The following DSCAML1 variants were observed in gnomAD, a reference collection of about 807,000 sequenced individuals.
The protein encoded by DSCAML1 is cell adhesion molecule DSCAML1.
DSCAML1 carries 38 observed loss-of-function variants against 200.5 expected under a neutral mutation model. The ratio of observed to expected loss-of-function variants is 0.19; its 90% CI spans 0.15 to 0.25. The LOEUF (loss-of-function observed/expected upper bound fraction) is 0.25, where lower values mean the gene tolerates loss of function less well. DSCAML1 is among the 10% of genes least tolerant of loss of function. DSCAML1 has a pLI of 1.00. For synonymous variants in DSCAML1, 1,215 were observed against 1,165.0 expected (o/e 1.04, Z -0.87); for missense variants, 2,223 against 2,858.8 (o/e 0.78, Z 5.07).
intron 6 of DSCAML1, among the ~76,000 whole-genome samples, chr11:117,520,199 T>G (rs1565760933): frequency 6.6e-6 from 1 of 152,188 alleles, no homozygotes; most frequent in Non-Finnish European, 1.5e-5. Context: ...GGTTGGCAAA[T>G]GAGGTGCAGG....
rs375158198 is a variant in DSCAML1, at chr11:117,754,839, CCCTACCTG to C, written c.511+21944_511+21951del. 3.5e-3 allele frequency among the ~76,000 whole-genome samples: 534 copies of C among 152,256 alleles called. 2 individuals carry two copies. The highest frequency in any genetic ancestry group is 5.0e-3 in the Non-Finnish European group (342 of 68,018). ...CTCACCTACTTACGGGTGCCTCCCT[CCCTACCTG>C]CCTACCTGCCTTCTGTGTGACCCAC... On this transcript the variant is annotated intron_variant, in intron 3 of 32. Coordinates refer to ENST00000651296, the MANE Select transcript of DSCAML1 (RefSeq NM_020693.4).
At chr11:117,688,868 G>T (rs1160646206) in intron 3 of DSCAML1, among the ~76,000 whole-genome samples, 1 of 152,178 alleles carries the variant, frequency 6.6e-6, no homozygotes, top group Non-Finnish European at 1.5e-5. Flanking sequence ...CCTAACCAGG[G>T]CACGGATTGG....
intron 3 of DSCAML1, among the ~76,000 whole-genome samples, chr11:117,676,913 G>A (rs892082574): frequency 1.7e-4 from 26 of 152,342 alleles, no homozygotes; most frequent in Admixed American, 4.6e-4. Context: ...GCCGAGCCAC[G>A]AGAAGGCTAA....
intron 3 of DSCAML1, among the ~76,000 whole-genome samples, chr11:117,581,938 T>G (rs564571214): frequency 6.6e-6 from 1 of 152,258 alleles, no homozygotes; most frequent in East Asian, 1.9e-4. Flanking sequence ...CAAAATTCAC[T>G]TCTGCCTATA....
chr11:117,692,272 CCTT>C (rs1268107317), intron 3 of DSCAML1, among the ~76,000 whole-genome samples: 1 of 152,066 alleles, frequency 6.6e-6, no homozygotes, highest in Non-Finnish European at 1.5e-5. Context: ...CCTTTTGTCT[CCTT>C]CTTGCTTACT....
Position 117,504,987 on chromosome 11 carries a change from C to G in DSCAML1, c.2119G>C (p.Gly707Arg). The G allele has an allele frequency of 6.2e-7, 1 of 1,612,820 alleles. No homozygotes were observed. The highest frequency in any genetic ancestry group is 8.5e-7 in the Non-Finnish European group (1 of 1,179,302). Residue 707 changes from glycine (G) to arginine (R), a missense_variant, in exon 10 of 33, where the codon GGT becomes CGT. Coordinates refer to ENST00000651296, the MANE Select transcript of DSCAML1 (RefSeq NM_020693.4). The surrounding 1 kb of genome is among the most constrained non-coding windows in gnomAD (Gnocchi z 5.0). ...NNQDGIYGKAGVLNCSVDGYP... is the reference protein window; with the variant it reads ...NNQDGIYGKARVLNCSVDGYP... Reference sequence around the variant, plus strand: ...CCGTCCACCGAGCAGTTGAGCACACCAGCTTTGCCGTAGATGCCATCCTGG... The same window carrying G: ...CCGTCCACCGAGCAGTTGAGCACACGAGCTTTGCCGTAGATGCCATCCTGG...
intron 3 of DSCAML1, among the ~76,000 whole-genome samples, chr11:117,767,892 T>C (rs1421090563): frequency 6.6e-6 from 1 of 152,120 alleles, no homozygotes; most frequent in African/African-American, 2.4e-5. Context: ...CATGATTAAA[T>C]GAGATGACAT....
intron 3 of DSCAML1, among the ~76,000 whole-genome samples, chr11:117,718,879 C>A (rs2054001019): frequency 6.6e-6 from 1 of 152,136 alleles, no homozygotes; most frequent in Admixed American, 6.5e-5. Context: ...TGCAAAGGAC[C>A]AGGCAGCAAA....
In DSCAML1 at chr11:117,439,392, G is replaced by A. The variant is rs1276403781; in HGVS notation, c.4018C>T (p.Arg1340Trp). ...SAIPVSMDGH[R>W]LIHTNGTLLL... is the part of the protein sequence containing the mutation. ...AGTGTGCCATTGGTGTGGATGAGCC[G>A]GTGCCCATCCATGGACACTGGAATG... Residue 1340 changes from arginine to tryptophan, a missense_variant, in exon 23 of 33, where the codon CGG becomes TGG. Around this residue, in one of 7 missense-constraint regions of DSCAML1, gnomAD observed 614 missense variants for 739.1 expected, o/e 0.83. Coordinates refer to ENST00000651296, the MANE Select transcript of DSCAML1 (RefSeq NM_020693.4). 32 of 1,613,520 alleles carry A rather than the reference G, an allele frequency of 2.0e-5. No individual in the cohort carries two copies. The highest frequency in any genetic ancestry group is 3.3e-5 in the Admixed American group (2 of 59,988).
At chr11:117,529,825 G>A (rs2050041359) in intron 4 of DSCAML1, among the ~76,000 whole-genome samples, 1 of 152,002 alleles carries the variant, frequency 6.6e-6, no homozygotes, top group Admixed American at 6.6e-5. Flanking sequence ...CAATGGGGAG[G>A]GGCGGGTGAG....
intron 3 of DSCAML1, among the ~76,000 whole-genome samples, chr11:117,559,888 G>C (rs1366448117): frequency 6.6e-6 from 1 of 152,148 alleles, no homozygotes; most frequent in Non-Finnish European, 1.5e-5. Flanking sequence ...GTGGGATACA[G>C]GAAGGAAGGG....
chr11:117,623,400 G>A (rs965167420), intron 3 of DSCAML1, among the ~76,000 whole-genome samples: 5 of 152,018 alleles, frequency 3.3e-5, no homozygotes, highest in African/African-American at 9.7e-5. Context: ...ATTTTTAGTA[G>A]AGACAGGGTT....
At chr11:117,611,387 T>C (rs1254768249) in intron 3 of DSCAML1, 1 of 152,212 alleles carries the variant, frequency 6.6e-6, no homozygotes, top group African/African-American at 2.4e-5. Flanking sequence ...CAGTGGCTTG[T>C]GGGGTCATCT....
At chr11:117,574,032 G>A (rs938774040) in intron 3 of DSCAML1, among the ~76,000 whole-genome samples, 1 of 152,212 alleles carries the variant, frequency 6.6e-6, no homozygotes. Context: ...TGGGAAGGAG[G>A]AAGTGCTGGA....
In DSCAML1 at chr11:117,545,234, AACACACACAC is replaced by A. The variant is rs758060622; in HGVS notation, c.512-12722_512-12713del. Among the ~76,000 whole-genome samples the A allele has an allele frequency of 6.8e-4, 97 of 143,476 alleles. 1 individual carries two copies. The highest frequency in any genetic ancestry group is 3.5e-3 in the South Asian group (16 of 4,630). The allele number at this position is 143,476 out of a possible 152,430, so 94.1% of individuals were successfully genotyped here. On this transcript the variant is annotated intron_variant, in intron 3 of 32. Transcript: ENST00000651296. ...GACAGAGCAAGATTCCGTAAAAAAA[AACACACACAC>A]ACACACACACACACACAAAACACAA...
In DSCAML1 at chr11:117,574,813, G is replaced by C. The variant is rs79055207; in HGVS notation, c.512-42291C>G. On this transcript the variant is annotated intron_variant, in intron 3 of 32. Coordinates refer to ENST00000651296, the MANE Select transcript of DSCAML1 (RefSeq NM_020693.4). Reference sequence around the variant, plus strand: ...CAGCATGTGCAAAGAGCAGTACTTAGAGGAAAAGAGTCCACTGCCTGGCCT... The same window carrying C: ...CAGCATGTGCAAAGAGCAGTACTTACAGGAAAAGAGTCCACTGCCTGGCCT... 9.0e-3 allele frequency among the ~76,000 whole-genome samples: 1,368 copies of C among 152,294 alleles called. 24 individuals carry two copies. Among genetic ancestry groups the C allele is most frequent in the African/African-American group, 0.031 (1,308 of 41,560 alleles).
chr11:117,731,227 C>G (rs943279121), intron 3 of DSCAML1, among the ~76,000 whole-genome samples: 1 of 152,132 alleles, frequency 6.6e-6, no homozygotes, highest in African/African-American at 2.4e-5. Context: ...CACAGATTAA[C>G]AGGGGCGCCT....
chr11:117,553,497 A>T (rs1224987535), intron 3 of DSCAML1, among the ~76,000 whole-genome samples: 1 of 152,258 alleles, frequency 6.6e-6, no homozygotes, highest in African/African-American at 2.4e-5. Flanking sequence ...AGTTCCCCAA[A>T]GAAGAGATAC....
intron 3 of DSCAML1, among the ~76,000 whole-genome samples, chr11:117,712,129 A>G (rs185473827): frequency 6.6e-6 from 1 of 152,318 alleles, no homozygotes; most frequent in Admixed American, 6.5e-5. Flanking sequence ...TTTTTTTTAA[A>G]CACGTTGCAC....
Sources: allele counts gnomAD v4.1 joint callset (sites outside exome capture counted in the v4.1 genomes callset), GRCh38; gene constraint gnomAD v4.1.1; regional missense constraint gnomAD v4.1.1; non-coding constraint Gnocchi (gnomAD v3.1); transcripts MANE v1.5; gene names NCBI Gene and HGNC (gene_info 2026-07-23, HGNC 2026-07-21).